NPAS3: variants seen among roughly 807,000 people sequenced by gnomAD.
NPAS3 encodes the protein neuronal PAS domain protein 3.
NPAS3 carries 14 observed loss-of-function variants against 73.1 expected under a neutral mutation model. The observed-to-expected ratio is 0.19, with a 90% CI of 0.13 to 0.30. The LOEUF (loss-of-function observed/expected upper bound fraction) is 0.30. Ranked by LOEUF, NPAS3 falls within the 10% of genes least tolerant of loss-of-function variation. The probability of loss-of-function intolerance (pLI) is 1.00; values close to 1 mark genes in which losing one functional copy is unlikely to be tolerated. For synonymous variants in NPAS3, 620 were observed against 541.5 expected, an observed-to-expected ratio of 1.14 and a Z score of -2.01; for missense variants, 1,096 against 1,250.0, an observed-to-expected ratio of 0.88 and a Z score of 1.86.
intron 4 of NPAS3, among the ~76,000 whole-genome samples, chr14:33,532,572 C>T (rs996569593): frequency 5.9e-5 from 9 of 152,042 alleles, no homozygotes; most frequent in Non-Finnish European, 8.8e-5. Context: ...ATGGCTCAAC[C>T]TAGGATTTGA....
chr14:33,030,167 A>T (rs191583859), intron 1 of NPAS3, among the ~76,000 whole-genome samples: 3 of 152,356 alleles, frequency 2.0e-5, no homozygotes, highest in Admixed American at 2.0e-4. Flanking sequence ...GATTGAATTC[A>T]GTCTTAAATT....
intron 9 of NPAS3, among the ~76,000 whole-genome samples, chr14:33,783,671 A>C (rs531015789): frequency 3.3e-5 from 5 of 152,232 alleles, no homozygotes; most frequent in African/African-American, 1.2e-4. Flanking sequence ...GCAAGCACGG[A>C]GTCAGAGACC....
At chr14:33,686,947 G>C (rs1241810129) in intron 6 of NPAS3, among the ~76,000 whole-genome samples, 1 of 152,176 alleles carries the variant, frequency 6.6e-6, no homozygotes, top group Non-Finnish European at 1.5e-5. Flanking sequence ...GGGTTGAACA[G>C]AGAAGACCAG....
chr14:33,777,976 T>G (rs1224977364), intron 8 of NPAS3, among the ~76,000 whole-genome samples: 2 of 152,234 alleles, frequency 1.3e-5, no homozygotes, highest in Non-Finnish European at 2.9e-5. Context: ...ATTATATCCC[T>G]TGAAATGCCA....
chr14:33,031,591 C>T (rs539765744), intron 1 of NPAS3, among the ~76,000 whole-genome samples: 1 of 152,300 alleles, frequency 6.6e-6, no homozygotes, highest in East Asian at 1.9e-4. Context: ...CTCCCAGGCC[C>T]AAGTGATCAT....
chr14:33,575,287 A>G (rs917178816), intron 5 of NPAS3, among the ~76,000 whole-genome samples: 4 of 152,220 alleles, frequency 2.6e-5, no homozygotes, highest in Admixed American at 1.3e-4. Context: ...TCCAAGATTC[A>G]TAGATCGTAT....
At chr14:33,056,431 C>A (rs565859486) in intron 2 of NPAS3, among the ~76,000 whole-genome samples, 6 of 152,074 alleles carry the variant, frequency 3.9e-5, no homozygotes, top group Non-Finnish European at 8.8e-5. Flanking sequence ...TTTGCATAAT[C>A]CTTTAAGAAG....
In NPAS3 at chr14:33,696,221, C is replaced by T. The variant is rs139487257; in HGVS notation, c.733+19836C>T. 2.8e-3 allele frequency among the ~76,000 whole-genome samples: 420 copies of T among 152,240 alleles called. 1 individual carries two copies. The highest frequency in any genetic ancestry group is 8.5e-3 in the South Asian group (41 of 4,826). On this transcript the variant is annotated intron_variant, in intron 6 of 11. Coordinates refer to ENST00000356141, the Ensembl canonical transcript of NPAS3. ...GTTAATATATTTAGCGTTTGCTCAC[C>T]ACTTACTATGTGCTAAGTAAATGAA...
rs111890513 is a variant in NPAS3 at position 33,601,976 on chromosome 14, C to A, written c.558+41766C>A. ...GATCTGGTAATGAAGGACAGTGATC[C>A]CAGAAAGACAGGAAACAAAAGTGAG... On this transcript the variant is annotated intron_variant, in intron 5 of 11. Transcript: ENST00000356141. Among the ~76,000 whole-genome samples the A allele has an allele frequency of 1.1e-3, 169 of 152,104 alleles. 1 individual carries two copies. The highest frequency in any genetic ancestry group is 2.1e-3 in the Non-Finnish European group (145 of 67,976).
At chr14:33,431,088 G>A (rs182221044) in intron 4 of NPAS3, among the ~76,000 whole-genome samples, 8 of 152,294 alleles carry the variant, frequency 5.3e-5, no homozygotes, top group African/African-American at 1.9e-4. Context: ...ATTATATAAT[G>A]TGATTGTTTT....
chr14:33,577,416 C>T (rs1348994608), intron 5 of NPAS3, among the ~76,000 whole-genome samples: 3 of 152,132 alleles, frequency 2.0e-5, no homozygotes, highest in Non-Finnish European at 4.4e-5. Context: ...AGGTACAGCC[C>T]ATCACGGACT....
At chr14:33,714,753 A>G (rs2060914502) in intron 6 of NPAS3, among the ~76,000 whole-genome samples, 1 of 152,092 alleles carries the variant, frequency 6.6e-6, no homozygotes, top group African/African-American at 2.4e-5. Flanking sequence ...TTTGGAGTGC[A>G]TCTTACAATC....
intron 4 of NPAS3, among the ~76,000 whole-genome samples, chr14:33,388,520 ACT>A (rs1388778140): frequency 1.3e-5 from 2 of 151,802 alleles, no homozygotes; most frequent in Non-Finnish European, 2.9e-5. Flanking sequence ...GCAGAAATAG[ACT>A]CTGAAGGCAA....
intron 4 of NPAS3, among the ~76,000 whole-genome samples, chr14:33,464,033 G>A (rs1489656945): frequency 1.3e-5 from 2 of 152,144 alleles, no homozygotes; most frequent in Admixed American, 1.3e-4. Flanking sequence ...CCTCAAGAGT[G>A]GAATCAGAGC....
At chr14:32,936,827 G>A (rs1325652543), upstream of NPAS3, among the ~76,000 whole-genome samples, 1 of 152,048 alleles carries the variant, frequency 6.6e-6, no homozygotes, top group Non-Finnish European at 1.5e-5. Flanking sequence ...CCTACAGTCT[G>A]CCACCTCAGC....
intron 3 of NPAS3, among the ~76,000 whole-genome samples, chr14:33,274,476 A>G (rs903603833): frequency 6.6e-6 from 1 of 152,044 alleles, no homozygotes; most frequent in Non-Finnish European, 1.5e-5. Context: ...TCCCATATCT[A>G]GCTGGCTTCC....
intron 2 of NPAS3, among the ~76,000 whole-genome samples, chr14:33,162,201 T>G (rs1341786118): frequency 6.6e-6 from 1 of 152,226 alleles, no homozygotes. Context: ...AAACTTTTCA[T>G]TACAGAAATT....
intron 2 of NPAS3, among the ~76,000 whole-genome samples, chr14:33,168,195 T>C (rs1410592942): frequency 2.0e-5 from 3 of 152,150 alleles, no homozygotes; most frequent in African/African-American, 7.2e-5. Context: ...CATTTGCCTC[T>C]AAAATATGCA....
intron 1 of NPAS3, among the ~76,000 whole-genome samples, chr14:33,047,716 G>A (rs1040840889): frequency 6.6e-5 from 10 of 152,160 alleles, no homozygotes; most frequent in African/African-American, 2.4e-4. Flanking sequence ...ATGCTTTTTG[G>A]TAGTTTACAC....
Sources: allele counts gnomAD v4.1 joint callset (sites outside exome capture counted in the v4.1 genomes callset), GRCh38; gene constraint gnomAD v4.1.1; transcripts MANE v1.5; gene names NCBI Gene and HGNC (gene_info 2026-07-23, HGNC 2026-07-21).